TCF7L1: variants seen among roughly 807,000 people sequenced by gnomAD.
The protein encoded by TCF7L1 is transcription factor 7-like 1.
In TCF7L1, 18 loss-of-function variants were observed where a neutral mutation model predicts 63.7. The ratio of observed to expected loss-of-function variants is 0.28; its 90% CI spans 0.20 to 0.42. The LOEUF (loss-of-function observed/expected upper bound fraction) is 0.42. TCF7L1 is among the 10% of genes least tolerant of loss of function. TCF7L1 has a pLI of 1.00. For missense variants in TCF7L1, 654 were observed against 779.3 expected (o/e 0.84, Z 1.91); for synonymous variants, 355 against 340.9 (o/e 1.04, Z -0.46).
intron 3 of TCF7L1, among the ~76,000 whole-genome samples, chr2:85,282,794 TTGTGTGTGTGTGTGTGTG>T (rs59628868): frequency 2.5e-5 from 3 of 119,140 alleles, no homozygotes; most frequent in Non-Finnish European, 3.4e-5. Flanking sequence ...GAGAGAGAGA[TTGTGTGTGTGTGTGTGTG>T]TGTGTGTGTG....
chr2:85,300,478 G>A (rs1183398258), intron 4 of TCF7L1, among the ~76,000 whole-genome samples: 1 of 152,200 alleles, frequency 6.6e-6, no homozygotes, highest in Non-Finnish European at 1.5e-5. Context: ...AACATCCAGT[G>A]AGCCCACCAG....
chr2:85,190,429 CAGAGG>C (rs2104263742), intron 3 of TCF7L1, among the ~76,000 whole-genome samples: 1 of 152,262 alleles, frequency 6.6e-6, no homozygotes, highest in South Asian at 2.1e-4. Context: ...TAGGCCTCTG[CAGAGG>C]CCAGTCTTGG....
intron 3 of TCF7L1, among the ~76,000 whole-genome samples, chr2:85,282,679 T>G (rs981820365): frequency 3.3e-5 from 5 of 152,108 alleles, no homozygotes; most frequent in Admixed American, 2.0e-4. Context: ...AACCCATGAA[T>G]GCAGGGCTCC....
chr2:85,309,377 C>G lies in TCF7L1; in HGVS notation c.1682C>G (p.Ser561Cys). ...ACAGCTCTGCTGGCCTCTCCCCCGT[C>G]CTTCCCCGCCACGCTCCATGCCCAC... is the stretch of plus-strand genomic sequence containing the variant. ...MPTALLASPP[S>C]FPATLHAHQA... is the part of the protein sequence containing the mutation. Residue 561 changes from serine to cysteine, a missense_variant, in exon 12 of 12, where the codon TCC becomes TGC. Around this residue, in one of 3 missense-constraint regions of TCF7L1, gnomAD observed 184 missense variants for 204.0 expected, o/e 0.90. Transcript: ENST00000282111. 5 of 1,603,064 alleles carry G rather than the reference C, an allele frequency of 3.1e-6. No homozygotes were observed. The highest frequency in any genetic ancestry group is 4.3e-6 in the Non-Finnish European group (5 of 1,174,412).
chr2:85,158,387 T>C (rs1678200882), intron 3 of TCF7L1, among the ~76,000 whole-genome samples: 1 of 152,206 alleles, frequency 6.6e-6, no homozygotes, highest in Admixed American at 6.5e-5. Context: ...TGACTCCGTG[T>C]GAAGCTGAAG....
At chr2:85,264,461 A>G (rs1420017125) in intron 3 of TCF7L1, among the ~76,000 whole-genome samples, 3 of 152,186 alleles carry the variant, frequency 2.0e-5, no homozygotes, top group Non-Finnish European at 4.4e-5. Context: ...GAGTCTGGAT[A>G]GGAACTGGGG....
chr2:85,302,606 T>G lies in TCF7L1; in HGVS notation c.648T>G (p.Asp216Glu). 2 of 1,376,790 alleles carry G rather than the reference T, an allele frequency of 1.5e-6. No homozygotes were observed. Among genetic ancestry groups the G allele is most frequent in the Non-Finnish European group, 2.0e-6 (2 of 1,025,306 alleles). The allele number at this position is 1,376,790 out of a possible 1,614,324, so 85.3% of individuals were successfully genotyped here. A position where few individuals can be genotyped will look rare whatever the true frequency, so the allele number is the denominator to read the frequency against. ...CCACCCACCTCTCCCCAGAGATCGA[T>G]CCAAAGACAGGTAAGTCGTCTGCCA... ...SPPTHLSPEI[D>E]PKTGIPRPPH... Residue 216 changes from aspartate to glutamate, a missense_variant, in exon 5 of 12, where the codon GAT becomes GAG. Asp to Glu is a conservative substitution (Grantham distance 45). Around this residue, in one of 3 missense-constraint regions of TCF7L1, gnomAD observed 404 missense variants for 454.8 expected, o/e 0.89. Transcript: ENST00000282111.
chr2:85,179,008 C>G (rs1678740252), intron 3 of TCF7L1, among the ~76,000 whole-genome samples: 1 of 152,184 alleles, frequency 6.6e-6, no homozygotes, highest in African/African-American at 2.4e-5. Flanking sequence ...CCGTCAGAGC[C>G]TGGGGCTGAT....
At chr2:85,262,391 AG>A in intron 3 of TCF7L1, 9 of 395,738 alleles carry the variant, frequency 2.3e-5, no homozygotes, top group South Asian at 4.3e-5. Flanking sequence ...GTCTCTTAAA[AG>A]AAAAAAAAAA....
chr2:85,306,639 C>T lies in TCF7L1; in HGVS notation c.1257+80C>T, dbSNP rs910596251. 16 of 1,086,724 alleles carry T rather than the reference C, an allele frequency of 1.5e-5. No individual in the cohort carries two copies. Among genetic ancestry groups the T allele is most frequent in the Admixed American group, 4.9e-5 (2 of 40,654 alleles). 67.3% of individuals were successfully genotyped at this position (1,086,724 alleles called of 1,614,324 possible). ...GAGGAGGAAGGGTGAAGGAAAGCAA[C>T]TGCATTTATTTTTATTTATTTTATT... On this transcript the variant is annotated intron_variant, in intron 10 of 11. Transcript: ENST00000282111. This position sits in a 1 kb window ranked among gnomAD's most constrained non-coding sequence, Gnocchi z 4.3.
chr2:85,309,409 C>G lies in TCF7L1; in HGVS notation c.1714C>G (p.Leu572Val), dbSNP rs780068675. 6.3e-7 allele frequency: 1 copy of G among 1,581,238 alleles called. No homozygotes were observed. Reference sequence around the variant, plus strand: ...CGCCACGCTCCATGCCCACCAGGCCCTCCCGGTGCTACAGGCCCAGCCTCT... The same window carrying G: ...CGCCACGCTCCATGCCCACCAGGCCGTCCCGGTGCTACAGGCCCAGCCTCT... ...FPATLHAHQA[L>V]PVLQAQPLSL... The change falls in exon 12 of 12, where the codon CTC becomes GTC. Residue 572 changes from leucine (L) to valine (V), a missense_variant. Physicochemically the swap from Leu to Val is conservative, Grantham distance 32. Transcript: ENST00000282111.
chr2:85,266,867 T>C (rs988154379), intron 3 of TCF7L1, among the ~76,000 whole-genome samples: 13 of 152,244 alleles, frequency 8.5e-5, no homozygotes, highest in Non-Finnish European at 1.9e-4. Flanking sequence ...TCATAGCTGT[T>C]CTGTAGCTGG....
In TCF7L1 at chr2:85,146,730, C is replaced by T. The variant is rs140123343; in HGVS notation, c.441+12280C>T. 4.0e-3 allele frequency among the ~76,000 whole-genome samples: 605 copies of T among 152,150 alleles called. 7 individuals carry two copies. The highest frequency in any genetic ancestry group is 0.014 in the African/African-American group (585 of 41,490). On this transcript the variant is annotated intron_variant, in intron 3 of 11. Coordinates refer to ENST00000282111, the MANE Select transcript of TCF7L1 (RefSeq NM_031283.3). ...TGTTAGCCAGGATGGTCTTGATGTT[C>T]TGACCTCAGGTGATCTGCCTGCGTC...
intron 3 of TCF7L1, among the ~76,000 whole-genome samples, chr2:85,183,619 C>T (rs1329362113): frequency 1.3e-5 from 2 of 152,090 alleles, no homozygotes; most frequent in Admixed American, 6.6e-5. Flanking sequence ...ATAGTTCAGC[C>T]CTGATTTTGG....
At chr2:85,245,962 C>T (rs1680454856) in intron 3 of TCF7L1, among the ~76,000 whole-genome samples, 1 of 152,130 alleles carries the variant, frequency 6.6e-6, no homozygotes. Flanking sequence ...GGTGACTGAC[C>T]AGCTCTCCTT....
At chr2:85,223,531 G>A (rs1679893965) in intron 3 of TCF7L1, among the ~76,000 whole-genome samples, 1 of 152,178 alleles carries the variant, frequency 6.6e-6, no homozygotes, top group Admixed American at 6.5e-5. Flanking sequence ...GTGAGCTGCT[G>A]GAGGTGGATG....
chr2:85,252,436 G>A (rs1680613760), intron 3 of TCF7L1, among the ~76,000 whole-genome samples: 1 of 152,148 alleles, frequency 6.6e-6, no homozygotes, highest in Non-Finnish European at 1.5e-5. Context: ...ATGAGCATTT[G>A]CTATCACTCT....
intron 3 of TCF7L1, among the ~76,000 whole-genome samples, chr2:85,200,791 T>G (rs773705631): frequency 3.3e-5 from 5 of 152,150 alleles, no homozygotes; most frequent in Non-Finnish European, 7.4e-5. Flanking sequence ...GCAGCTCACA[T>G]AGAGATCACT....
chr2:85,246,126 C>G (rs1656418914), intron 3 of TCF7L1, among the ~76,000 whole-genome samples: 3 of 152,228 alleles, frequency 2.0e-5, no homozygotes, highest in African/African-American at 7.2e-5. Context: ...CCAGATGTAA[C>G]AGTGCCATCC....
Sources: gnomAD v4.1 joint callset for allele counts (sites outside exome capture counted in the v4.1 genomes callset) on GRCh38, gnomAD v4.1.1 for gene constraint, gnomAD v4.1.1 regional missense constraint, Gnocchi (gnomAD v3.1) non-coding constraint, MANE v1.5 for transcripts, NCBI Gene and HGNC (gene_info 2026-07-23, HGNC 2026-07-21) for gene names.